Variants in EFL1 observed in about 807,000 individuals in gnomAD.
The protein encoded by EFL1 is elongation factor like GTPase 1.
In EFL1, 76 loss-of-function variants were observed where a neutral mutation model predicts 126.7. The observed-to-expected ratio is 0.60, with a 90% CI of 0.50 to 0.73. EFL1 has a LOEUF of 0.73. Ranked by LOEUF, EFL1 falls within the 30% of genes least tolerant of loss-of-function variation. The probability of loss-of-function intolerance (pLI) is 0.00; values close to 1 mark genes in which losing one functional copy is unlikely to be tolerated. For synonymous variants in EFL1, 410 were observed against 448.4 expected (o/e 0.91, Z 1.08); for missense variants, 1,128 against 1,343.2 (o/e 0.84, Z 2.50).
intron 18 of EFL1, among the ~76,000 whole-genome samples, chr15:82,147,272 T>C (rs1200135087): frequency 6.6e-6 from 1 of 152,074 alleles, no homozygotes; most frequent in African/African-American, 2.4e-5. Context: ...TGGGAGGAAA[T>C]ACATGTTCCC....
chr15:82,160,026 C>T (rs1042484634), intron 16 of EFL1: 5 of 152,318 alleles, frequency 3.3e-5, no homozygotes, highest in Non-Finnish European at 5.9e-5. Flanking sequence ...CTCCAATCAT[C>T]CTTGCCTCCT....
chr15:82,215,754 T>C (rs972527032), intron 14 of EFL1: 5 of 152,094 alleles, frequency 3.3e-5, no homozygotes, highest in African/African-American at 1.2e-4. Context: ...AAAGGTAGTA[T>C]AGGCAAGTAA....
At chr15:82,141,196 GA>G (rs2073782916) in intron 18 of EFL1, among the ~76,000 whole-genome samples, 1 of 152,056 alleles carries the variant, frequency 6.6e-6, no homozygotes, top group South Asian at 2.1e-4. Flanking sequence ...ACCCGGAAAT[GA>G]AAAACAATAC....
At chr15:82,231,458 G>A (rs754259570) in intron 7 of EFL1, among the ~76,000 whole-genome samples, 3 of 151,958 alleles carry the variant, frequency 2.0e-5, no homozygotes, top group African/African-American at 7.3e-5. Flanking sequence ...GACTTAACTC[G>A]CATCAACCCA....
Position 82,152,171 on chromosome 15 carries a change from T to A in EFL1, c.2283A>T (p.Glu761Asp). 6.2e-7 allele frequency: 1 copy of A among 1,614,188 alleles called. No individual in the cohort carries two copies. Among genetic ancestry groups the A allele is most frequent in the Non-Finnish European group, 8.5e-7 (1 of 1,180,038 alleles). ...TATTTTCTTCCAGAATCTGGGTGAC[T>A]TCTTCTGGAAGGGGCATGGCTCGAA... Reference protein sequence around the residue: ...LSVRAMPLPEEVTQILEENSD... With the variant: ...LSVRAMPLPEDVTQILEENSD... Residue 761 changes from glutamate (E) to aspartate (D), a missense_variant, in exon 18 of 20, where the codon GAA (glutamate) becomes GAT (aspartate). Physicochemically the swap from Glu to Asp is conservative, Grantham distance 45 (BLOSUM62 2). Coordinates refer to ENST00000268206, the MANE Select transcript of EFL1 (RefSeq NM_024580.6).
At chr15:82,185,169 C>CTG (rs71156029) in intron 15 of EFL1, among the ~76,000 whole-genome samples, 4,108 of 139,910 alleles carry the variant, frequency 0.029, 64 homozygotes, top group South Asian at 0.07. Flanking sequence ...TCATGTGTGG[C>CTG]TGTGTGTGTG....
At chr15:82,165,877 A>T (rs1254521923) in intron 15 of EFL1, among the ~76,000 whole-genome samples, 1 of 152,204 alleles carries the variant, frequency 6.6e-6, no homozygotes, top group East Asian at 1.9e-4. Flanking sequence ...TAAAGTTTCT[A>T]GGATGTTAAA....
chr15:82,177,640 G>T (rs908449440), intron 15 of EFL1, among the ~76,000 whole-genome samples: 1 of 152,146 alleles, frequency 6.6e-6, no homozygotes, highest in African/African-American at 2.4e-5. Flanking sequence ...ACTGTTCCTT[G>T]ATTTTGGTCT....
chr15:82,134,473 TAAG>T (rs2073698750), intron 19 of EFL1, among the ~76,000 whole-genome samples: 2 of 152,100 alleles, frequency 1.3e-5, no homozygotes, highest in South Asian at 2.1e-4. Flanking sequence ...TTTCTAATCA[TAAG>T]AAGGCACCCA....
chr15:82,258,118 C>A (rs1179803282), intron 3 of EFL1, among the ~76,000 whole-genome samples: 1 of 152,196 alleles, frequency 6.6e-6, no homozygotes, highest in Admixed American at 6.5e-5. Context: ...TCTCTCTATT[C>A]TCTGTCACCT....
intron 4 of EFL1, among the ~76,000 whole-genome samples, chr15:82,249,042 T>C (rs1323370924): frequency 1.3e-5 from 2 of 152,088 alleles, no homozygotes; most frequent in Non-Finnish European, 2.9e-5. Flanking sequence ...TTGCATTAAA[T>C]ATAAAAATTG....
At chr15:82,206,954 C>T (rs570305849) in intron 15 of EFL1, among the ~76,000 whole-genome samples, 25 of 152,162 alleles carry the variant, frequency 1.6e-4, no homozygotes, top group African/African-American at 5.5e-4. Flanking sequence ...ACAGACCAAA[C>T]TTACAAATAT....
intron 18 of EFL1, among the ~76,000 whole-genome samples, chr15:82,139,052 G>T (rs2073757240): frequency 6.6e-6 from 1 of 152,088 alleles, no homozygotes; most frequent in Non-Finnish European, 1.5e-5. Flanking sequence ...ATAACAAAAA[G>T]TTAAATCACC....
At position 82,231,084 on chromosome 15, in the gene EFL1, C is replaced by A. The variant is rs1000324565; in HGVS notation, c.732-113G>T. On this transcript the variant is annotated intron_variant, in intron 7 of 19. Transcript: ENST00000268206. ...TTACTAAACTTAATCCAGTATCCTA[C>A]AAAATTTCCTCATTTTACAGAAAAG... The A allele has an allele frequency of 2.3e-6, 3 of 1,282,006 alleles. No homozygotes were observed. The African/African-American group carries it at 4.5e-5, about 19-fold the overall frequency. The allele number at this position is 1,282,006 out of a possible 1,614,324, so 79.4% of individuals were successfully genotyped here. A position where few individuals can be genotyped will look rare whatever the true frequency, so the allele number is the denominator to read the frequency against.
chr15:82,143,154 T>G (rs1031175580), intron 18 of EFL1, among the ~76,000 whole-genome samples: 1 of 152,202 alleles, frequency 6.6e-6, no homozygotes, highest in Non-Finnish European at 1.5e-5. Flanking sequence ...CAGGAAACAA[T>G]GCAAATTTCC....
At chr15:82,156,838 A>T (rs1298758744) in intron 17 of EFL1, among the ~76,000 whole-genome samples, 1 of 152,248 alleles carries the variant, frequency 6.6e-6, no homozygotes, top group African/African-American at 2.4e-5. Flanking sequence ...GTAAGCACAG[A>T]AATGTATATT....
intron 15 of EFL1, among the ~76,000 whole-genome samples, chr15:82,171,734 T>C (rs533660690): frequency 2.9e-4 from 44 of 150,814 alleles, no homozygotes; most frequent in Admixed American, 2.0e-3. Context: ...GGGAGGGAGG[T>C]TGGATAAAAA....
chr15:82,195,642 G>T (rs1595975528), intron 15 of EFL1, among the ~76,000 whole-genome samples: 1 of 152,252 alleles, frequency 6.6e-6, no homozygotes, highest in Non-Finnish European at 1.5e-5. Context: ...AAACTAATGA[G>T]TAACTGTAAG....
chr15:82,132,610 A>G (rs1003684795), intron 19 of EFL1, among the ~76,000 whole-genome samples: 3 of 137,842 alleles, frequency 2.2e-5, no homozygotes, highest in Non-Finnish European at 3.0e-5. Context: ...AAGTCTAAGG[A>G]GCGTCTCGAA....
Sources: gnomAD v4.1 joint callset for allele counts (sites outside exome capture counted in the v4.1 genomes callset) on GRCh38, gnomAD v4.1.1 for gene constraint, MANE v1.5 for transcripts, NCBI Gene and HGNC (gene_info 2026-07-23, HGNC 2026-07-21) for gene names.